The following UPF1 variants were observed in gnomAD, a reference collection of about 807,000 sequenced individuals.
UPF1 encodes UPF1 RNA helicase and ATPase.
In UPF1, 9 loss-of-function variants were observed where a neutral mutation model predicts 129.2. That is an observed-to-expected ratio of 0.07 (90% CI 0.04 to 0.12). The LOEUF (loss-of-function observed/expected upper bound fraction) is 0.12. UPF1 is among the 10% of genes least tolerant of loss of function. The pLI is 1.00. For synonymous variants in UPF1, 649 were observed against 644.9 expected (o/e 1.01, Z -0.10); for missense variants, 788 against 1,525.3 (o/e 0.52, Z 8.05).
rs909243666 is a variant in UPF1 at position 18,853,564 on chromosome 19, C to T, written c.1156+214C>T. Among the ~76,000 whole-genome samples the T allele has an allele frequency of 2.6e-5, 4 of 152,144 alleles. No homozygotes were observed. Among genetic ancestry groups the T allele is most frequent in the African/African-American group, 4.8e-5 (2 of 41,432 alleles). On this transcript the variant is annotated intron_variant, in intron 8 of 23. Transcript: ENST00000262803. This position sits in a 1 kb window ranked among gnomAD's most constrained non-coding sequence, Gnocchi z 4.4. ...GTTGTATGGTTGCTTCCCCTCTGCC[C>T]GAATGGTGATGTTGGTGATGCCACT...
chr19:18,832,237 T>C lies in UPF1; in HGVS notation c.28T>C (p.Ser10Pro). The part of the protein sequence containing the change: MSVEAYGPS[S>P]QTLTFLDTEE... ...GAGCGTGGAGGCGTACGGGCCCAGC[T>C]CGCAGACTCTCACTTTCCTGGACAC... The change falls in exon 1 of 24, where the codon TCG becomes CCG. Residue 10 changes from serine (S) to proline (P), a missense_variant. Ser to Pro is a moderately conservative substitution (Grantham distance 74). Coordinates refer to ENST00000262803, the MANE Select transcript of UPF1 (RefSeq NM_002911.4). This position sits in a 1 kb window ranked among gnomAD's most constrained non-coding sequence, Gnocchi z 5.6. 1 of 1,548,568 alleles carries C rather than the reference T, an allele frequency of 6.5e-7. No individual in the cohort carries two copies. Among genetic ancestry groups the C allele is most frequent in the Non-Finnish European group, 8.7e-7 (1 of 1,147,084 alleles).
Position 18,866,083 on chromosome 19 carries a change from G to A in UPF1, c.3277G>A (p.Val1093Met), listed in dbSNP as rs1430253109. The A allele has an allele frequency of 1.2e-6, 2 of 1,613,204 alleles. No homozygotes were observed. The highest frequency in any genetic ancestry group is 1.7e-6 in the Non-Finnish European group (2 of 1,179,872). The change falls in exon 23 of 24, where the codon GTG (valine) becomes ATG (methionine). Residue 1093 changes from valine (V) to methionine (M), a missense_variant. Physicochemically the swap from Val to Met is conservative, Grantham distance 21. This residue lies in a region of UPF1 where 218 missense variants were observed against 318.1 expected (regional missense o/e 0.69). Transcript: ENST00000262803. ...TGACGAGTTTAAATCACAAATCGACGTGGCGCTCTCACAGGACTCCACGTA... is the reference window on the plus strand; with the variant it reads ...TGACGAGTTTAAATCACAAATCGACATGGCGCTCTCACAGGACTCCACGTA... Reference protein sequence around the residue: ...LGDEFKSQIDVALSQDSTYQG... With the variant: ...LGDEFKSQIDMALSQDSTYQG...
At position 18,832,539 on chromosome 19, in the gene UPF1, C is replaced by A. The variant is rs2055439107; in HGVS notation, c.231+99C>A. On this transcript the variant is annotated intron_variant, in intron 1 of 23. Transcript: ENST00000262803. This position sits in a 1 kb window ranked among gnomAD's most constrained non-coding sequence, Gnocchi z 5.6. ...GGCCCGGCCTGTGTTTGGCCGGAGT[C>A]CCCCATCGCGGCCGGGCCTGGGGCG... is the stretch of plus-strand genomic sequence containing the variant. 1.1e-6 allele frequency: 1 copy of A among 889,112 alleles called. No individual in the cohort carries two copies. Among genetic ancestry groups the A allele is most frequent in the Non-Finnish European group, 1.3e-6 (1 of 741,698 alleles). The allele number at this position is 889,112 out of a possible 1,614,324, so 55.1% of individuals were successfully genotyped here.
intron 11 of UPF1, chr19:18,855,533 G>T: frequency 1.9e-6 from 1 of 538,340 alleles, no homozygotes; most frequent in Non-Finnish European, 3.3e-6. Flanking sequence ...GCGGGATGGT[G>T]CAAGTTCCAG....
chr19:18,856,790 G>A, intron 13 of UPF1, 87 bp from the exon 14 acceptor site: 1 of 1,497,722 alleles, frequency 6.7e-7, no homozygotes, highest in Non-Finnish European at 8.9e-7. Context: ...AGAAACAGGA[G>A]AGCTTCTGTG....
At position 18,865,671 on chromosome 19, in the gene UPF1, G is replaced by A; in HGVS notation, c.3130G>A (p.Val1044Met). The A allele has an allele frequency of 6.2e-7, 1 of 1,613,926 alleles. No individual in the cohort carries two copies. Among genetic ancestry groups the A allele is most frequent in the Non-Finnish European group, 8.5e-7 (1 of 1,180,048 alleles). Residue 1044 changes from valine to methionine, a missense_variant, in exon 22 of 24, where the codon GTG becomes ATG. Transcript: ENST00000262803. The surrounding 1 kb of genome is among the most constrained non-coding windows in gnomAD (Gnocchi z 6.1). ...CCCCAACAGCCAAGCCAGCCAGGAT[G>A]TGGCGTCACAGCCCTTCTCTCAGGG... ...NLPNSQASQD[V>M]ASQPFSQGAL...
chr19:18,856,003 C>G lies in UPF1; in HGVS notation c.1623C>G (p.Val541=). ...AGATCCACCAGACGGGGCTAAAGGT[C>G]GTGCGCCTCTGCGCCAAGAGCCGTG... ...TEKIHQTGLK[V]VRLCAKSREA... is the part of the protein sequence containing the mutation. The change falls in exon 12 of 24, where the codon GTC becomes GTG. Residue 541 remains valine, a synonymous_variant. Coordinates refer to ENST00000262803, the MANE Select transcript of UPF1 (RefSeq NM_002911.4). 3.1e-6 allele frequency: 5 copies of G among 1,613,994 alleles called. No homozygotes were observed. The highest frequency in any genetic ancestry group is 4.2e-6 in the Non-Finnish European group (5 of 1,180,034).
chr19:18,863,909 C>T (rs971398714), intron 19 of UPF1, among the ~76,000 whole-genome samples: 9 of 152,098 alleles, frequency 5.9e-5, no homozygotes, highest in African/African-American at 1.2e-4. Flanking sequence ...TTTGCAAGCC[C>T]GGGGTGATCT....
intron 1 of UPF1, among the ~76,000 whole-genome samples, chr19:18,838,507 G>A (rs1244932000): frequency 1.3e-5 from 2 of 152,164 alleles, no homozygotes; most frequent in East Asian, 3.8e-4. Flanking sequence ...AATTAGCTGG[G>A]TATAGTGGCA....
At chr19:18,837,831 ACT>A (rs2055499654) in intron 1 of UPF1, among the ~76,000 whole-genome samples, 1 of 151,990 alleles carries the variant, frequency 6.6e-6, no homozygotes, top group Middle Eastern at 3.4e-3. Context: ...CTGGGATTTT[ACT>A]CTGAGTGCAT....
At chr19:18,863,127 G>T (rs2055799484) in intron 18 of UPF1, 1 of 285,110 alleles carries the variant, frequency 3.5e-6, no homozygotes, top group African/African-American at 2.2e-5. Flanking sequence ...GCCCTGTGGG[G>T]CCGCGTGTGC....
chr19:18,845,093 C>T (rs1170297082), intron 1 of UPF1, among the ~76,000 whole-genome samples: 6 of 152,212 alleles, frequency 3.9e-5, no homozygotes, highest in African/African-American at 7.2e-5. Context: ...GGCATTAGGC[C>T]GAGGGGCTGT....
Position 18,865,356 on chromosome 19 carries a change from C to T in UPF1, c.2925C>T (p.His975=), listed in dbSNP as rs771376002. Residue 975 remains histidine (H), a synonymous_variant, in exon 21 of 24, where the codon CAC becomes CAT. Transcript: ENST00000262803. The surrounding 1 kb of genome is among the most constrained non-coding windows in gnomAD (Gnocchi z 6.1). ...GCATGATCAGTGCCGGCCCTAGCCA[C>T]GTGGCTGCCATGAACATTCCCATCC... ...QIGMISAGPS[H]VAAMNIPIPF... The T allele has an allele frequency of 5.0e-6, 8 of 1,614,066 alleles. No homozygotes were observed. In the East Asian group the frequency reaches 1.3e-4, roughly 27 times the overall value.
Position 18,850,338 on chromosome 19 carries a change from TC to T in UPF1, c.629+98del. The T allele has an allele frequency of 1.4e-6, 2 of 1,462,052 alleles. No individual in the cohort carries two copies. Among genetic ancestry groups the T allele is most frequent in the Non-Finnish European group, 1.8e-6 (2 of 1,096,466 alleles). The allele number at this position is 1,462,052 out of a possible 1,614,324, so 90.6% of individuals were successfully genotyped here. On this transcript the variant is annotated intron_variant, in intron 4 of 23. Transcript: ENST00000262803. This position sits in a 1 kb window ranked among gnomAD's most constrained non-coding sequence, Gnocchi z 7.1. Reference sequence around the variant, plus strand: ...AGCCCAGCCCAGCCGTGGCTCTAACTCCAGGGAGTTGTCCTCCAAAGATGGT... The same window carrying T: ...AGCCCAGCCCAGCCGTGGCTCTAACTCAGGGAGTTGTCCTCCAAAGATGGT...
intron 15 of UPF1, chr19:18,859,981 G>A: frequency 8.8e-6 from 2 of 227,466 alleles, no homozygotes; most frequent in Non-Finnish European, 1.7e-5. Flanking sequence ...CGCCTTTAAG[G>A]CAAGCTTCTG....
At chr19:18,852,579 G>A (rs988594140) in intron 6 of UPF1, among the ~76,000 whole-genome samples, 1 of 152,190 alleles carries the variant, frequency 6.6e-6, no homozygotes. Context: ...AGACTCGGGC[G>A]TGATCCCTGT....
chr19:18,853,306 C>T lies in UPF1; in HGVS notation c.1112C>T (p.Ala371Val). The change falls in exon 8 of 24, where the codon GCG becomes GTG. Residue 371 changes from alanine to valine, a missense_variant. By Grantham distance (64) the Ala-to-Val change is moderately conservative (BLOSUM62 0). Coordinates refer to ENST00000262803, the MANE Select transcript of UPF1 (RefSeq NM_002911.4). This position sits in a 1 kb window ranked among gnomAD's most constrained non-coding sequence, Gnocchi z 4.4. ...EICLRYKGDL[A>V]PLWKGIGHVI... ...TGCCTGCGGTACAAAGGGGACCTTGCGCCCCTGTGGAAAGGGATCGGCCAC... is the reference window on the plus strand; with the variant it reads ...TGCCTGCGGTACAAAGGGGACCTTGTGCCCCTGTGGAAAGGGATCGGCCAC... The T allele has an allele frequency of 6.2e-6, 10 of 1,613,042 alleles. No homozygotes were observed. The highest frequency in any genetic ancestry group is 3.3e-5 in the South Asian group (3 of 90,972).
At position 18,860,300 on chromosome 19, in the gene UPF1, C is replaced by T. The variant is rs773705075; in HGVS notation, c.2183-21C>T. The T allele has an allele frequency of 1.2e-5, 19 of 1,612,796 alleles. No homozygotes were observed. In the African/African-American group the frequency reaches 1.7e-4, roughly 15 times the overall value. On this transcript the variant is annotated intron_variant, in intron 15 of 23. Transcript: ENST00000262803. ...GCGGGCTAGGGCTTTTGAAGTGTTACTTCTTTCCCTCCCCTCACAGCGGAT... is the reference window on the plus strand; with the variant it reads ...GCGGGCTAGGGCTTTTGAAGTGTTATTTCTTTCCCTCCCCTCACAGCGGAT...
chr19:18,832,317 C>A lies in UPF1; in HGVS notation c.108C>A (p.Thr36=). ...ADTQGSEFEF[T]DFTLPSQTQT... is the part of the protein sequence containing the mutation. Reference sequence around the variant, plus strand: ...CACAGGGCTCCGAGTTCGAGTTCACCGACTTTACTCTTCCTAGCCAGACGC... The same window carrying A: ...CACAGGGCTCCGAGTTCGAGTTCACAGACTTTACTCTTCCTAGCCAGACGC... The change falls in exon 1 of 24, where the codon ACC becomes ACA. Residue 36 remains threonine, a synonymous_variant. Transcript: ENST00000262803. This position sits in a 1 kb window ranked among gnomAD's most constrained non-coding sequence, Gnocchi z 5.6. 2.6e-6 allele frequency: 4 copies of A among 1,524,162 alleles called. No individual in the cohort carries two copies. Among genetic ancestry groups the A allele is most frequent in the Non-Finnish European group, 3.5e-6 (4 of 1,132,112 alleles). The allele number at this position is 1,524,162 out of a possible 1,614,324, so 94.4% of individuals were successfully genotyped here.
Sources: gnomAD v4.1 joint callset for allele counts (sites outside exome capture counted in the v4.1 genomes callset) on GRCh38, gnomAD v4.1.1 for gene constraint, gnomAD v4.1.1 regional missense constraint, Gnocchi (gnomAD v3.1) non-coding constraint, MANE v1.5 for transcripts, NCBI Gene and HGNC (gene_info 2026-07-23, HGNC 2026-07-21) for gene names.